ALG5: variants seen among roughly 807,000 people sequenced by gnomAD.
ALG5 encodes the protein ALG5 dolichyl-phosphate beta-glucosyltransferase, also known as dolichyl-phosphate beta-glucosyltransferase.
A neutral mutation model predicts 51.8 loss-of-function variants in ALG5; 26 were observed. The observed-to-expected ratio is 0.50, with a 90% CI of 0.37 to 0.70. The LOEUF (loss-of-function observed/expected upper bound fraction) is 0.70. Ranked by LOEUF, ALG5 falls within the 30% of genes least tolerant of loss-of-function variation. The probability of loss-of-function intolerance (pLI) is 0.00; values close to 1 mark genes in which losing one functional copy is unlikely to be tolerated. For missense variants in ALG5, 311 were observed against 399.3 expected (o/e 0.78, Z 1.88); for synonymous variants, 141 against 136.1 (o/e 1.04, Z -0.25).
intron 8 of ALG5, among the ~76,000 whole-genome samples, chr13:36,965,207 G>T (rs191996308): frequency 6.6e-6 from 1 of 151,968 alleles, no homozygotes; most frequent in South Asian, 2.1e-4. Context: ...TCAAAAGATC[G>T]GTCTTAGGAA....
chr13:36,950,602 C>T (rs1228406033), intron 9 of ALG5, among the ~76,000 whole-genome samples: 1 of 150,162 alleles, frequency 6.7e-6, no homozygotes, highest in Non-Finnish European at 1.5e-5. Flanking sequence ...TTTTTTTAAA[C>T]AAGATCTTGC....
rs1476797913 is a variant in ALG5, at chr13:36,985,737, T to A, written c.451A>T (p.Ile151Leu). Residue 151 changes from isoleucine to leucine, a missense_variant, in exon 6 of 10, where the codon ATA becomes TTA. Coordinates refer to ENST00000239891, the MANE Select transcript of ALG5 (RefSeq NM_013338.5). ...ATCTTTTCTCCTCGAGAACTGAATA[T>A]ACCCTGTATTTTAAAATTTCAAGTC... ...RGKGGAIRMG[I>L]FSSRGEKILM... is the part of the protein sequence containing the mutation. The A allele has an allele frequency of 6.3e-7, 1 of 1,595,574 alleles. No homozygotes were observed. The highest frequency in any genetic ancestry group is 1.1e-5 in the South Asian group (1 of 87,958).
At chr13:36,992,576 C>T (rs1035117981) in intron 4 of ALG5, among the ~76,000 whole-genome samples, 1 of 152,152 alleles carries the variant, frequency 6.6e-6, no homozygotes, top group Non-Finnish European at 1.5e-5. Context: ...GTATACAGGG[C>T]AGCAGCTGTC....
At chr13:36,995,120 C>T in intron 2 of ALG5, 85 bp from the exon 3 acceptor site, 1 of 1,192,104 alleles carries the variant, frequency 8.4e-7, no homozygotes. Context: ...GAAAAAAGTC[C>T]CAATAATCTA....
chr13:36,958,577 G>A lies in ALG5; in HGVS notation c.774-5978C>T, dbSNP rs1354711645. Among the ~76,000 whole-genome samples the A allele has an allele frequency of 2.0e-5, 3 of 152,198 alleles. No homozygotes were observed. In the East Asian group the frequency reaches 5.8e-4, roughly 29 times the overall value. On this transcript the variant is annotated intron_variant, in intron 8 of 9. Coordinates refer to ENST00000239891, the MANE Select transcript of ALG5 (RefSeq NM_013338.5). The stretch of plus-strand genomic sequence containing the variant: ...ATCTCAACTGCATGACCCCTACTAC[G>A]CCCCAATTCAGCAGGAAGCGGTTAG...
At chr13:36,958,872 A>G (rs1187284465) in intron 8 of ALG5, among the ~76,000 whole-genome samples, 8 of 152,166 alleles carry the variant, frequency 5.3e-5, no homozygotes, top group Non-Finnish European at 1.5e-5. Context: ...GGGAGGGACA[A>G]TGATCGGGAT....
At chr13:36,998,345 C>A (rs2138835651) in intron 1 of ALG5, among the ~76,000 whole-genome samples, 1 of 152,274 alleles carries the variant, frequency 6.6e-6, no homozygotes, top group Admixed American at 6.5e-5. Context: ...AGTAAGGATG[C>A]ATTACATTTT....
chr13:36,995,497 A>C lies in ALG5; in HGVS notation c.166T>G (p.Leu56Val), dbSNP rs1444934969. ...FLNAKGQKETLPSIWDSPTKQ... is the reference protein window; with the variant it reads ...FLNAKGQKETVPSIWDSPTKQ... ...GTAGGTGAGTCCCATATGCTGGGTA[A>C]AGTTTCTTTCTGGCCTTTGGCATTT... The change falls in exon 2 of 10, where the codon TTA becomes GTA. Residue 56 changes from leucine to valine, a missense_variant. By Grantham distance (32) the Leu-to-Val change is conservative. Transcript: ENST00000239891. 6 of 1,609,812 alleles carry C rather than the reference A, an allele frequency of 3.7e-6. No homozygotes were observed. The highest frequency in any genetic ancestry group is 5.1e-6 in the Non-Finnish European group (6 of 1,179,112).
chr13:36,987,292 CCT>C (rs1056630845), intron 5 of ALG5, among the ~76,000 whole-genome samples: 4 of 152,162 alleles, frequency 2.6e-5, no homozygotes, highest in Non-Finnish European at 4.4e-5. Context: ...CGTCATCCTC[CCT>C]GTTACCCAAG....
At chr13:36,967,681 T>A (rs2058901371) in intron 7 of ALG5, 1 of 493,920 alleles carries the variant, frequency 2.0e-6, no homozygotes, top group Admixed American at 2.5e-5. Context: ...CCTCTCTAAG[T>A]AGATAGGGCA....
At chr13:36,956,707 A>T (rs932505957) in intron 8 of ALG5, among the ~76,000 whole-genome samples, 6 of 152,008 alleles carry the variant, frequency 3.9e-5, no homozygotes, top group African/African-American at 1.5e-4. Context: ...ACTCTAATAC[A>T]TCTTGCAACT....
intron 4 of ALG5, among the ~76,000 whole-genome samples, chr13:36,992,931 C>G (rs2059031814): frequency 6.6e-6 from 1 of 152,152 alleles, no homozygotes; most frequent in Non-Finnish European, 1.5e-5. Context: ...CTTGTCCTCC[C>G]TGGGAGGGCA....
rs781456350 is a variant in ALG5 at position 36,965,602 on chromosome 13, G to A, written c.746C>T (p.Thr249Met). The change falls in exon 8 of 10, where the codon ACG becomes ATG. Residue 249 changes from threonine (T) to methionine (M), a missense_variant. By Grantham distance (81) the Thr-to-Met change is moderately conservative. Coordinates refer to ENST00000239891, the MANE Select transcript of ALG5 (RefSeq NM_013338.5). ...KLFTREAASR[T>M]FSSLHVERWA... ...TCGTTCAACGTGTAGAGATGAAAAC[G>A]TCCGTGAAGCTGCTTCTCGAGTAAA... 5.0e-6 allele frequency: 8 copies of A among 1,613,792 alleles called. No individual in the cohort carries two copies. Among genetic ancestry groups the A allele is most frequent in the African/African-American group, 2.7e-5 (2 of 74,886 alleles).
chr13:36,970,975 AG>A (rs1000699694), intron 7 of ALG5, among the ~76,000 whole-genome samples: 18 of 152,162 alleles, frequency 1.2e-4, no homozygotes, highest in Admixed American at 1.1e-3. Flanking sequence ...AATCCTTAAA[AG>A]GTTTTTGTCA....
intron 8 of ALG5, among the ~76,000 whole-genome samples, chr13:36,960,662 G>A (rs1442006328): frequency 1.3e-5 from 2 of 149,984 alleles, no homozygotes; most frequent in Non-Finnish European, 2.9e-5. Flanking sequence ...ATGGGCATGT[G>A]CCACCACGCC....
Position 36,989,525 on chromosome 13 carries a change from T to C in ALG5, c.406A>G (p.Thr136Ala). ...KYGSDKVRVITLVKNRGKGGA... is the reference protein window; with the variant it reads ...KYGSDKVRVIALVKNRGKGGA... Reference sequence around the variant, plus strand: ...CCTTTTCCACGATTCTTCACCAGGGTTATCACACGTACTTTGTCACTTCCA... The same window carrying C: ...CCTTTTCCACGATTCTTCACCAGGGCTATCACACGTACTTTGTCACTTCCA... The change falls in exon 5 of 10, where the codon ACC becomes GCC. Residue 136 changes from threonine to alanine, a missense_variant. Transcript: ENST00000239891. The C allele has an allele frequency of 6.2e-7, 1 of 1,613,096 alleles. No homozygotes were observed. Among genetic ancestry groups the C allele is most frequent in the Non-Finnish European group, 8.5e-7 (1 of 1,179,408 alleles).
At chr13:36,955,655 T>C (rs2058836122) in intron 8 of ALG5, among the ~76,000 whole-genome samples, 1 of 115,160 alleles carries the variant, frequency 8.7e-6, no homozygotes, top group African/African-American at 3.4e-5. Flanking sequence ...CATCTGTTTG[T>C]AAGAGAGCAG....
intron 7 of ALG5, 98 bp downstream of exon 7, chr13:36,971,879 G>T: frequency 2.4e-6 from 2 of 850,148 alleles, no homozygotes; most frequent in Non-Finnish European, 3.7e-6. Context: ...ATGTTTAAGA[G>T]ATTAGACATA....
intron 6 of ALG5, among the ~76,000 whole-genome samples, chr13:36,985,154 T>A (rs1326278991): frequency 6.6e-6 from 1 of 151,800 alleles, no homozygotes. Flanking sequence ...AAGGTAGGAA[T>A]GGTACTAGGA....
Sources: gnomAD v4.1 joint callset for allele counts (sites outside exome capture counted in the v4.1 genomes callset) on GRCh38, gnomAD v4.1.1 for gene constraint, MANE v1.5 for transcripts, NCBI Gene and HGNC (gene_info 2026-07-23, HGNC 2026-07-21) for gene names.